Variants in LHFPL3 observed in about 807,000 individuals in gnomAD.
LHFPL3 encodes LHFPL tetraspan subfamily member 3 protein.
A neutral mutation model predicts 19.3 loss-of-function variants in LHFPL3; 5 were observed. The ratio of observed to expected loss-of-function variants is 0.26; its 90% CI spans 0.14 to 0.54. LHFPL3 has a LOEUF of 0.54. Among genes scored for constraint, LHFPL3 ranks in the 20% least tolerant of loss-of-function variants. The pLI is 0.94. For synonymous variants in LHFPL3, 133 were observed against 126.2 expected, an observed-to-expected ratio of 1.05 and a Z score of -0.36; for missense variants, 249 against 307.4, an observed-to-expected ratio of 0.81 and a Z score of 1.42.
chr7:104,669,216 T>TA (rs1792423715), intron 1 of LHFPL3: 1 of 1,613,858 alleles, frequency 6.2e-7, no homozygotes, highest in Admixed American at 1.7e-5. Flanking sequence ...CTAACCCTCC[T>TA]GCTCGATCTC....
intron 1 of LHFPL3, among the ~76,000 whole-genome samples, chr7:104,372,177 G>T (rs2116433241): frequency 6.6e-6 from 1 of 152,320 alleles, no homozygotes; most frequent in Middle Eastern, 3.4e-3. Flanking sequence ...AGGTGCTCAT[G>T]TATCCACCCA....
intron 1 of LHFPL3, among the ~76,000 whole-genome samples, chr7:104,488,972 C>G (rs1288801557): frequency 6.6e-6 from 1 of 151,374 alleles, no homozygotes; most frequent in Non-Finnish European, 1.5e-5. Context: ...GCATGTGACC[C>G]GTGTAGTCAC....
chr7:104,561,356 C>G (rs1270402879), intron 1 of LHFPL3, among the ~76,000 whole-genome samples: 1 of 150,004 alleles, frequency 6.7e-6, no homozygotes, highest in Non-Finnish European at 1.5e-5. Flanking sequence ...CTTTATGAAT[C>G]TTGGTGCTCC....
At chr7:104,800,202 C>A (rs901678030) in intron 2 of LHFPL3, 1 of 152,240 alleles carries the variant, frequency 6.6e-6, no homozygotes, top group African/African-American at 2.4e-5. Context: ...GTTTACATCT[C>A]AGCTTGCCTA....
chr7:104,457,261 C>T (rs183681192), intron 1 of LHFPL3, among the ~76,000 whole-genome samples: 2 of 151,364 alleles, frequency 1.3e-5, no homozygotes, highest in African/African-American at 2.4e-5. Flanking sequence ...TCAAGCTATC[C>T]CTCCCCCATC....
intron 1 of LHFPL3, among the ~76,000 whole-genome samples, chr7:104,518,280 G>A (rs992474299): frequency 3.9e-5 from 6 of 151,970 alleles, no homozygotes; most frequent in Non-Finnish European, 7.4e-5. Flanking sequence ...CAGCCTTATT[G>A]CAACAGAATA....
chr7:104,380,328 A>G (rs756915273), intron 1 of LHFPL3, among the ~76,000 whole-genome samples: 3 of 152,218 alleles, frequency 2.0e-5, no homozygotes, highest in Non-Finnish European at 4.4e-5. Context: ...AGCAATGAAC[A>G]TTAAGAGATG....
At chr7:104,409,638 AAG>A (rs1207675843) in intron 1 of LHFPL3, among the ~76,000 whole-genome samples, 1 of 152,136 alleles carries the variant, frequency 6.6e-6, no homozygotes, top group Non-Finnish European at 1.5e-5. Context: ...AAATAAATAA[AAG>A]AAAAATCTTG....
intron 2 of LHFPL3, among the ~76,000 whole-genome samples, chr7:104,753,335 T>A (rs1212612201): frequency 6.6e-6 from 1 of 152,240 alleles, no homozygotes; most frequent in Non-Finnish European, 1.5e-5. Context: ...AGTGATCAAG[T>A]TCTTGGACCT....
intron 1 of LHFPL3, among the ~76,000 whole-genome samples, chr7:104,519,708 C>T (rs1794006163): frequency 6.6e-6 from 1 of 151,968 alleles, no homozygotes; most frequent in South Asian, 2.1e-4. Flanking sequence ...GCGTTAATGA[C>T]TGTTTTGACT....
At chr7:104,839,782 G>A (rs924758364) in intron 2 of LHFPL3, among the ~76,000 whole-genome samples, 47 of 152,266 alleles carry the variant, frequency 3.1e-4, no homozygotes, top group South Asian at 6.2e-4. Flanking sequence ...GCACTCAGAG[G>A]GTAGGTTGGC....
At chr7:104,876,685 A>C (rs1373491677) in intron 2 of LHFPL3, among the ~76,000 whole-genome samples, 1 of 152,022 alleles carries the variant, frequency 6.6e-6, no homozygotes, top group Non-Finnish European at 1.5e-5. Flanking sequence ...GTGGGACTGT[A>C]AACTAGTTCA....
intron 1 of LHFPL3, among the ~76,000 whole-genome samples, chr7:104,725,834 G>A (rs914140617): frequency 2.0e-5 from 3 of 151,998 alleles, no homozygotes; most frequent in African/African-American, 7.2e-5. Context: ...GGCGGATCAC[G>A]AGGTCAGGAG....
chr7:104,455,142 C>T (rs1272358844), intron 1 of LHFPL3, among the ~76,000 whole-genome samples: 1 of 152,202 alleles, frequency 6.6e-6, no homozygotes, highest in Non-Finnish European at 1.5e-5. Flanking sequence ...CCAGTATCAA[C>T]ATTGATGTAT....
chr7:104,626,241 C>T (rs1791544087), intron 1 of LHFPL3, among the ~76,000 whole-genome samples: 1 of 152,138 alleles, frequency 6.6e-6, no homozygotes, highest in African/African-American at 2.4e-5. Flanking sequence ...CATTATCAGC[C>T]CCAAAGACAC....
intron 1 of LHFPL3, among the ~76,000 whole-genome samples, chr7:104,614,329 G>A (rs187012023): frequency 3.7e-4 from 56 of 152,224 alleles, no homozygotes; most frequent in African/African-American, 1.3e-3. Context: ...TGTAAGAAGA[G>A]CTCTTAGTGA....
chr7:104,786,530 A>T (rs1040238279), intron 2 of LHFPL3: 1 of 152,150 alleles, frequency 6.6e-6, no homozygotes, highest in Non-Finnish European at 1.5e-5. Flanking sequence ...ATGCATTCTC[A>T]CTGCTCACTA....
At chr7:104,427,961 A>T (rs1791880580) in intron 1 of LHFPL3, among the ~76,000 whole-genome samples, 1 of 152,232 alleles carries the variant, frequency 6.6e-6, no homozygotes, top group African/African-American at 2.4e-5. Context: ...CTGAGATTAC[A>T]TAGCATATGC....
chr7:104,430,419 C>CATATATAT (rs1457442187), intron 1 of LHFPL3, among the ~76,000 whole-genome samples: 40 of 14,632 alleles, frequency 2.7e-3, no homozygotes, highest in Non-Finnish European at 4.1e-3. Context: ...TATATATATA[C>CATATATAT]ATATATATAT....
Sources: allele counts gnomAD v4.1 joint callset (sites outside exome capture counted in the v4.1 genomes callset), GRCh38; gene constraint gnomAD v4.1.1; transcripts MANE v1.5; gene names NCBI Gene and HGNC (gene_info 2026-07-23, HGNC 2026-07-21).